AGBL4: variants seen among roughly 807,000 people sequenced by gnomAD.
The protein encoded by AGBL4 is cytosolic carboxypeptidase 6.
A neutral mutation model predicts 66.4 loss-of-function variants in AGBL4; 58 were observed. The ratio of observed to expected loss-of-function variants is 0.87; its 90% CI spans 0.71 to 1.09. AGBL4 has a LOEUF of 1.09. Among genes scored for constraint, AGBL4 ranks in the 50% least tolerant of loss-of-function variants. The pLI, the probability that AGBL4 is intolerant of heterozygous loss-of-function variation, is 0.00. For missense variants in AGBL4, 579 were observed against 631.0 expected, an observed-to-expected ratio of 0.92 and a Z score of 0.88; for synonymous variants, 234 against 222.9, an observed-to-expected ratio of 1.05 and a Z score of -0.44.
At chr1:49,315,478 T>G (rs967320047) in intron 3 of AGBL4, among the ~76,000 whole-genome samples, 1 of 151,840 alleles carries the variant, frequency 6.6e-6, no homozygotes, top group Non-Finnish European at 1.5e-5. Context: ...TGGGAGAAAA[T>G]TTTTGCAATC....
intron 6 of AGBL4, among the ~76,000 whole-genome samples, chr1:48,786,547 T>C (rs561133811): frequency 6.6e-6 from 1 of 152,320 alleles, no homozygotes; most frequent in East Asian, 1.9e-4. Flanking sequence ...TTAGACCCTA[T>C]GGGAAAGTCC....
chr1:48,960,510 T>A (rs1025561797), intron 5 of AGBL4, among the ~76,000 whole-genome samples: 1 of 152,172 alleles, frequency 6.6e-6, no homozygotes, highest in African/African-American at 2.4e-5. Context: ...ATCAAGGATG[T>A]AATACTGACT....
At chr1:49,368,567 C>A (rs1293873637) in intron 3 of AGBL4, among the ~76,000 whole-genome samples, 1 of 152,050 alleles carries the variant, frequency 6.6e-6, no homozygotes, top group African/African-American at 2.4e-5. Context: ...AAATCCTGGA[C>A]TTTTGGCCAC....
intron 1 of AGBL4, among the ~76,000 whole-genome samples, chr1:49,915,074 T>C (rs1651259657): frequency 6.6e-6 from 1 of 152,160 alleles, no homozygotes; most frequent in Non-Finnish European, 1.5e-5. Context: ...AAGAGGCTAC[T>C]TAGGACAATT....
At chr1:49,778,810 G>C (rs971352014) in intron 2 of AGBL4, among the ~76,000 whole-genome samples, 1 of 152,166 alleles carries the variant, frequency 6.6e-6, no homozygotes, top group South Asian at 2.1e-4. Context: ...ACTCCAAAAG[G>C]GGGGAAGTTG....
chr1:49,641,444 A>G, intron 3 of AGBL4, among the ~76,000 whole-genome samples: 1 of 152,216 alleles, frequency 6.6e-6, no homozygotes, highest in East Asian at 1.9e-4. Context: ...CCAAAATTAG[A>G]AAGTGAAACC....
At chr1:48,880,777 G>C (rs557151252) in intron 5 of AGBL4, among the ~76,000 whole-genome samples, 11 of 152,060 alleles carry the variant, frequency 7.2e-5, no homozygotes, top group Admixed American at 2.0e-4. Context: ...CTAAGTATCT[G>C]TGTTTGTGAT....
At position 48,699,906 on chromosome 1, in the gene AGBL4, T is replaced by C. The variant is rs531855778; in HGVS notation, c.635-36665A>G. 2.3e-3 allele frequency among the ~76,000 whole-genome samples: 347 copies of C among 148,826 alleles called. 2 individuals carry two copies. The highest frequency in any genetic ancestry group is 8.2e-3 in the African/African-American group (335 of 40,954). On this transcript the variant is annotated intron_variant, in intron 6 of 13. Transcript: ENST00000371839. ...CTCTCATGATACTATTTTTATTTTA[T>C]ATACATACATACATATACATATATA... is the stretch of plus-strand genomic sequence containing the variant.
chr1:49,746,613 G>A (rs1651006629), intron 2 of AGBL4, among the ~76,000 whole-genome samples: 1 of 152,030 alleles, frequency 6.6e-6, no homozygotes, highest in Non-Finnish European at 1.5e-5. Flanking sequence ...GGGAAGGCAG[G>A]TAAAAGAATC....
intron 6 of AGBL4, chr1:48,728,175 T>G: frequency 1.3e-6 from 1 of 779,414 alleles, no homozygotes; most frequent in South Asian, 2.2e-5. Context: ...CATAGCTATA[T>G]TTTAAAATTT....
chr1:49,868,810 A>AT (rs1646769460), intron 1 of AGBL4, among the ~76,000 whole-genome samples: 1 of 152,110 alleles, frequency 6.6e-6, no homozygotes, highest in African/African-American at 2.4e-5. Context: ...TATCATCAGA[A>AT]TGAAGAGACA....
intron 2 of AGBL4, among the ~76,000 whole-genome samples, chr1:49,783,118 A>G (rs1217166416): frequency 6.6e-6 from 1 of 152,080 alleles, no homozygotes; most frequent in East Asian, 1.9e-4. Flanking sequence ...CTTCAAAACT[A>G]TGAGAAATAA....
intron 3 of AGBL4, among the ~76,000 whole-genome samples, chr1:49,282,632 G>A (rs1435756208): frequency 3.9e-5 from 6 of 152,198 alleles, no homozygotes; most frequent in Non-Finnish European, 7.3e-5. Flanking sequence ...ACTAGGGAGT[G>A]CCAGACAGTG....
intron 3 of AGBL4, among the ~76,000 whole-genome samples, chr1:49,310,383 G>A (rs140326093): frequency 6.6e-6 from 1 of 152,212 alleles, no homozygotes; most frequent in Admixed American, 6.6e-5. Flanking sequence ...GATCACTTGT[G>A]TGGTGGTTCC....
chr1:49,666,910 A>G (rs1002668943), intron 3 of AGBL4, among the ~76,000 whole-genome samples: 2 of 152,108 alleles, frequency 1.3e-5, no homozygotes, highest in African/African-American at 4.8e-5. Context: ...TGTTGGAGTA[A>G]GCACTTTACT....
At chr1:49,923,532 C>T (rs536645179) in intron 1 of AGBL4, among the ~76,000 whole-genome samples, 2 of 152,078 alleles carry the variant, frequency 1.3e-5, no homozygotes, top group East Asian at 1.9e-4. Flanking sequence ...AGAAAACCTA[C>T]AGAATGGGAG....
At chr1:48,782,351 G>C (rs1645316298) in intron 6 of AGBL4, among the ~76,000 whole-genome samples, 1 of 152,206 alleles carries the variant, frequency 6.6e-6, no homozygotes. Context: ...TTAATGTCAG[G>C]CTCCTTTGGT....
At chr1:48,812,277 G>A (rs527739668) in intron 6 of AGBL4, among the ~76,000 whole-genome samples, 8 of 152,304 alleles carry the variant, frequency 5.3e-5, no homozygotes, top group Admixed American at 2.0e-4. Flanking sequence ...AATTCGTGCT[G>A]TGTGATGGGG....
intron 8 of AGBL4, among the ~76,000 whole-genome samples, chr1:48,645,268 G>A (rs1309858409): frequency 3.9e-5 from 6 of 152,166 alleles, no homozygotes; most frequent in African/African-American, 1.2e-4. Flanking sequence ...TGTCTGGCCC[G>A]TGCTGTCACT....
Sources: gnomAD v4.1 joint callset for allele counts (sites outside exome capture counted in the v4.1 genomes callset) on GRCh38, gnomAD v4.1.1 for gene constraint, MANE v1.5 for transcripts, NCBI Gene and HGNC (gene_info 2026-07-23, HGNC 2026-07-21) for gene names.